SEMA3A: variants seen among roughly 807,000 people sequenced by gnomAD.
The protein encoded by SEMA3A is semaphorin 3A.
SEMA3A carries 29 observed loss-of-function variants against 97.9 expected under a neutral mutation model. That is an observed-to-expected ratio of 0.30 (90% CI 0.22 to 0.40). SEMA3A has a LOEUF of 0.40. SEMA3A is among the 10% of genes least tolerant of loss of function. The pLI, the probability that SEMA3A is intolerant of heterozygous loss-of-function variation, is 1.00. For missense variants in SEMA3A, 763 were observed against 951.3 expected, an observed-to-expected ratio of 0.80 and a Z score of 2.60; for synonymous variants, 321 against 323.7, an observed-to-expected ratio of 0.99 and a Z score of 0.09.
At chr7:84,376,120 A>G (rs1422214576) in intron 1 of SEMA3A, among the ~76,000 whole-genome samples, 1 of 152,170 alleles carries the variant, frequency 6.6e-6, no homozygotes, top group Non-Finnish European at 1.5e-5. Context: ...GGCTGATTCC[A>G]TATCTAGGCT....
chr7:84,395,596 G>A (rs1803710226), intron 1 of SEMA3A, among the ~76,000 whole-genome samples: 1 of 133,020 alleles, frequency 7.5e-6, no homozygotes. Flanking sequence ...GAATCATGGG[G>A]GGAGATAATT....
At chr7:84,078,326 T>C (rs927961193) in intron 4 of SEMA3A, among the ~76,000 whole-genome samples, 2 of 152,052 alleles carry the variant, frequency 1.3e-5, no homozygotes, top group Admixed American at 6.6e-5. Flanking sequence ...TAAGGGGTTT[T>C]CAAGGGAGAA....
At chr7:84,464,852 A>C (rs1805950494) in intron 1 of SEMA3A, among the ~76,000 whole-genome samples, 1 of 152,160 alleles carries the variant, frequency 6.6e-6, no homozygotes, top group Admixed American at 6.6e-5. Flanking sequence ...GTATCTTTTT[A>C]ATTTTCTGAA....
At chr7:84,062,600 C>A (rs751726171) in intron 4 of SEMA3A, among the ~76,000 whole-genome samples, 24 of 152,328 alleles carry the variant, frequency 1.6e-4, no homozygotes, top group South Asian at 2.1e-4. Context: ...GGCATTGCCT[C>A]ACTTGGGAAG....
Position 84,347,454 on chromosome 7 carries a change from C to T in SEMA3A, c.-169+24370G>A, listed in dbSNP as rs537373941. On this transcript the variant is annotated intron_variant, in intron 2 of 3. Coordinates refer to the SEMA3A transcript ENST00000424555. ...GACGAGACAGAGTCTGGTCTGTTGC[C>T]GGGCTGGAGTGCAATGGCGCGATCT... Among the ~76,000 whole-genome samples the T allele has an allele frequency of 5.3e-5, 8 of 150,170 alleles. No homozygotes were observed. The East Asian group carries it at 5.9e-4, about 11-fold the overall frequency.
At chr7:84,037,509 G>C (rs1311697281) in intron 6 of SEMA3A, among the ~76,000 whole-genome samples, 1 of 151,968 alleles carries the variant, frequency 6.6e-6, no homozygotes, top group Non-Finnish European at 1.5e-5. Flanking sequence ...TAAATTATTT[G>C]TAGAGATTAT....
intron 4 of SEMA3A, among the ~76,000 whole-genome samples, chr7:84,081,388 C>G (rs886455755): frequency 6.6e-6 from 1 of 152,110 alleles, no homozygotes; most frequent in East Asian, 1.9e-4. Context: ...GTCAGGAGAT[C>G]AAGACCACCC....
chr7:83,987,781 T>C (rs1315783891), intron 12 of SEMA3A, among the ~76,000 whole-genome samples: 1 of 149,024 alleles, frequency 6.7e-6, no homozygotes, highest in East Asian at 1.9e-4. Flanking sequence ...AGCCCTCTTA[T>C]TAAGTCTTTC....
Position 84,286,153 on chromosome 7 carries a change from T to G in SEMA3A, c.-83+21054A>C, listed in dbSNP as rs1370540290. On this transcript the variant is annotated intron_variant, in intron 3 of 3. Coordinates refer to the SEMA3A transcript ENST00000424555. The stretch of plus-strand genomic sequence containing the variant: ...TCACCTTCTCTTTCTATCTCAACTT[T>G]AAAAAATACATCTTAGTGGACTTTT... Among the ~76,000 whole-genome samples the G allele has an allele frequency of 2.0e-5, 3 of 152,126 alleles. No homozygotes were observed. The East Asian group carries it at 5.8e-4, about 29-fold the overall frequency.
intron 3 of SEMA3A, among the ~76,000 whole-genome samples, chr7:84,234,797 T>C (rs1009408243): frequency 2.6e-5 from 4 of 152,090 alleles, no homozygotes; most frequent in African/African-American, 4.8e-5. Context: ...TAATTACTCA[T>C]TCTGACCTTC....
At chr7:84,026,378 CTTAT>C (rs1373190557) in intron 6 of SEMA3A, among the ~76,000 whole-genome samples, 1 of 152,120 alleles carries the variant, frequency 6.6e-6, no homozygotes, top group Admixed American at 6.6e-5. Context: ...ATATTTTTCA[CTTAT>C]TTATTTGTTT....
chr7:84,456,565 G>T (rs75284161), intron 1 of SEMA3A, among the ~76,000 whole-genome samples: 1 of 151,638 alleles, frequency 6.6e-6, no homozygotes, highest in Non-Finnish European at 1.5e-5. Flanking sequence ...TTTACATTTC[G>T]TAAATATTTA....
intron 3 of SEMA3A, among the ~76,000 whole-genome samples, chr7:84,298,321 T>C (rs1180015047): frequency 6.6e-6 from 1 of 151,972 alleles, no homozygotes; most frequent in African/African-American, 2.4e-5. Context: ...CAAAAGTCAA[T>C]CTCCTCTCCC....
chr7:84,353,967 G>A (rs1802495566), intron 2 of SEMA3A, among the ~76,000 whole-genome samples: 1 of 151,244 alleles, frequency 6.6e-6, no homozygotes, highest in African/African-American at 2.4e-5. Context: ...TACCTATTGA[G>A]AACAGATGTT....
chr7:84,047,556 T>C (rs1048332226), intron 5 of SEMA3A, among the ~76,000 whole-genome samples: 1 of 151,022 alleles, frequency 6.6e-6, no homozygotes, highest in African/African-American at 2.4e-5. Context: ...ACTCTTTCTT[T>C]CTTGGAAACA....
intron 3 of SEMA3A, among the ~76,000 whole-genome samples, chr7:84,281,231 C>T (rs1381576571): frequency 1.3e-5 from 2 of 152,134 alleles, no homozygotes; most frequent in African/African-American, 2.4e-5. Context: ...CTCCTTACTC[C>T]TCAGTTACTA....
chr7:84,304,502 T>G (rs567539720), intron 3 of SEMA3A, among the ~76,000 whole-genome samples: 1 of 152,204 alleles, frequency 6.6e-6, no homozygotes, highest in East Asian at 1.9e-4. Context: ...ACGAATAAGA[T>G]GAATATACTT....
chr7:84,306,930 C>A (rs910281585), intron 3 of SEMA3A, among the ~76,000 whole-genome samples: 4 of 152,012 alleles, frequency 2.6e-5, no homozygotes, highest in Non-Finnish European at 4.4e-5. Flanking sequence ...CAGTGAAATT[C>A]CCAAGTCTGG....
At chr7:83,998,951 AT>A (rs1790327303) in intron 12 of SEMA3A, among the ~76,000 whole-genome samples, 1 of 152,166 alleles carries the variant, frequency 6.6e-6, no homozygotes, top group South Asian at 2.1e-4. Flanking sequence ...ATATCTCTAT[AT>A]TATAGGAGAT....
Sources: allele counts gnomAD v4.1 joint callset (sites outside exome capture counted in the v4.1 genomes callset), GRCh38; gene constraint gnomAD v4.1.1; transcripts MANE v1.5; gene names NCBI Gene and HGNC (gene_info 2026-07-23, HGNC 2026-07-21).